Variants in USP24 observed in about 807,000 individuals in gnomAD.
USP24 encodes ubiquitin carboxyl-terminal hydrolase 24.
USP24 carries 97 observed loss-of-function variants against 361.6 expected under a neutral mutation model. The observed-to-expected ratio is 0.27, with a 90% confidence interval of 0.23 to 0.32. USP24 has a LOEUF of 0.32. USP24 is among the 10% of genes least tolerant of loss of function. USP24 has a pLI of 1.00. For missense variants in USP24, 2,353 were observed against 3,165.6 expected (o/e 0.74, Z 6.16); for synonymous variants, 1,098 against 1,124.6 (o/e 0.98, Z 0.47).
chr1:55,126,617 C>T lies in USP24; in HGVS notation c.3636-859G>A, dbSNP rs1002746498. Among the ~76,000 whole-genome samples, 25 of 152,214 alleles carry T rather than the reference C, an allele frequency of 1.6e-4. 1 individual carries two copies. Among genetic ancestry groups the T allele is most frequent in the Non-Finnish European group, 5.9e-5 (4 of 68,044 alleles). ...CAAATGTTCAATGTCTTTATTTTGA[C>T]AGCCCTGTAAATGGCTGAGTGATGT... On this transcript the variant is annotated intron_variant, in intron 32 of 67. Coordinates refer to ENST00000294383, the MANE Select transcript of USP24 (RefSeq NM_015306.3).
intron 8 of USP24, among the ~76,000 whole-genome samples, chr1:55,160,644 G>A (rs1648179494): frequency 2.0e-5 from 3 of 152,174 alleles, no homozygotes; most frequent in Non-Finnish European, 4.4e-5. Flanking sequence ...AAATAAAGAT[G>A]AAGTCAGATG....
chr1:55,153,752 T>C, intron 16 of USP24, 118 bp downstream of exon 16: 1 of 1,150,082 alleles, frequency 8.7e-7, no homozygotes, highest in Non-Finnish European at 1.2e-6. Context: ...ACATCAAGTT[T>C]AATATGAACA....
Position 55,098,026 on chromosome 1 carries a change from A to G in USP24, c.5512T>C (p.Leu1838=), listed in dbSNP as rs775974338. The change falls in exon 47 of 68, where the codon TTG becomes CTG. Residue 1838 remains leucine (L), a synonymous_variant. Coordinates refer to ENST00000294383, the MANE Select transcript of USP24 (RefSeq NM_015306.3). ...LNLGVTSCQS[L]EISLDQFVRG... ...ACAAATTGGTCCAAAGAAATTTCCAAACTCTGACAAGAAGTCACTCCTAGA... is the reference window on the plus strand; with the variant it reads ...ACAAATTGGTCCAAAGAAATTTCCAGACTCTGACAAGAAGTCACTCCTAGA... 17 of 1,613,566 alleles carry G rather than the reference A, an allele frequency of 1.1e-5. No individual in the cohort carries two copies. Among genetic ancestry groups the G allele is most frequent in the Non-Finnish European group, 1.4e-5 (16 of 1,179,752 alleles).
At position 55,083,299 on chromosome 1, in the gene USP24, G is replaced by C. The variant is rs748685414; in HGVS notation, c.6948C>G (p.Leu2316=). Reference sequence around the variant, plus strand: ...GATTGTTTTGCCGACTGGCCCCTAGGAGGAAGCTGATCATGTGCCGCAGAG... The same window carrying C: ...GATTGTTTTGCCGACTGGCCCCTAGCAGGAAGCTGATCATGTGCCGCAGAG... ...HSALRHMISF[L]LGASRQNNQI... is the part of the protein sequence containing the mutation. The change falls in exon 58 of 68, where the codon CTC becomes CTG. Residue 2316 remains leucine, a synonymous_variant. Coordinates refer to ENST00000294383, the MANE Select transcript of USP24 (RefSeq NM_015306.3). 6.2e-7 allele frequency: 1 copy of C among 1,613,728 alleles called. No homozygotes were observed. The highest frequency in any genetic ancestry group is 1.7e-5 in the Admixed American group (1 of 60,004).
chr1:55,101,772 T>C, intron 42 of USP24, 69 bp from the exon 43 acceptor site: 3 of 1,469,322 alleles, frequency 2.0e-6, no homozygotes, highest in Middle Eastern at 1.8e-4. Flanking sequence ...ACATTTACAC[T>C]ATAGCTATGC....
chr1:55,159,658 T>C lies in USP24; in HGVS notation c.1021A>G (p.Thr341Ala). Residue 341 changes from threonine (T) to alanine (A), a missense_variant, in exon 9 of 68, where the codon ACA becomes GCA. By Grantham distance (58) the Thr-to-Ala change is moderately conservative (BLOSUM62 0). Transcript: ENST00000294383. ...QPMLDPVILT[T>A]IQDVRSVEEK... is the part of the protein sequence containing the mutation. The stretch of plus-strand genomic sequence containing the variant: ...TCTACACTCCGTACATCCTGGATTG[T>C]AGTAAGAATGACTGGGTCTAGCATG... The C allele has an allele frequency of 1.9e-6, 3 of 1,561,810 alleles. No homozygotes were observed. Among genetic ancestry groups the C allele is most frequent in the Non-Finnish European group, 2.6e-6 (3 of 1,151,058 alleles).
In USP24 at chr1:55,205,899, G is replaced by A. The variant is rs116092113; in HGVS notation, c.324+8891C>T. On this transcript the variant is annotated intron_variant, in intron 1 of 67. Transcript: ENST00000294383. ...TGCATATTTACATGTATACGTGAGAGGCCCCATAGCTCTTAATTTCTTAAA... is the reference window on the plus strand; with the variant it reads ...TGCATATTTACATGTATACGTGAGAAGCCCCATAGCTCTTAATTTCTTAAA... Among the ~76,000 whole-genome samples the A allele has an allele frequency of 4.4e-3, 666 of 152,134 alleles. 2 individuals carry two copies. The highest frequency in any genetic ancestry group is 0.016 in the African/African-American group (646 of 41,496).
rs373271968 is a variant in USP24, at chr1:55,081,421, G to T, written c.6979C>A (p.Arg2327Ser). Reference sequence around the variant, plus strand: ...CGTGCTTGTGCTGAACTCCATCGACGTATCTGTCATCAGGGAAGATAAAGT... The same window carrying T: ...CGTGCTTGTGCTGAACTCCATCGACTTATCTGTCATCAGGGAAGATAAAGT... ...LGASRQNNQIRRWSSAQAREF... is the reference protein window; with the variant it reads ...LGASRQNNQISRWSSAQAREF... Residue 2327 changes from arginine (R) to serine (S), a missense_variant, in exon 59 of 68, where the codon CGT (arginine) becomes AGT (serine). Transcript: ENST00000294383. 1.2e-6 allele frequency: 2 copies of T among 1,613,292 alleles called. No homozygotes were observed. Among genetic ancestry groups the T allele is most frequent in the South Asian group, 2.2e-5 (2 of 91,050 alleles).
chr1:55,069,230 TAATAA>T (rs2100372464), intron 67 of USP24, 123 bp from the exon 68 acceptor site: 1 of 864,062 alleles, frequency 1.2e-6, no homozygotes, highest in Non-Finnish European at 1.9e-6. Flanking sequence ...TATCAAAGGG[TAATAA>T]AATGTGATAA....
At position 55,093,948 on chromosome 1, in the gene USP24, G is replaced by A; in HGVS notation, c.6343C>T (p.Arg2115Ter). Residue 2115 changes from arginine to a stop codon, truncating the protein, a stop_gained, in exon 52 of 68, where the codon CGA (arginine) becomes TGA (stop). Coordinates refer to ENST00000294383, the MANE Select transcript of USP24 (RefSeq NM_015306.3). LOFTEE classifies it high-confidence loss of function. ...KGLFVEKMPA[R>*]IYQMVRDENL... ...TATATGGTTCTTACCTGGTATATTC[G>A]AGCAGGCATTTTCTCCACAAACAGT... 2 of 1,613,180 alleles carry A rather than the reference G, an allele frequency of 1.2e-6. No homozygotes were observed. The highest frequency in any genetic ancestry group is 1.7e-6 in the Non-Finnish European group (2 of 1,179,762).
intron 30 of USP24, among the ~76,000 whole-genome samples, chr1:55,133,776 A>C (rs1253268478): frequency 6.6e-6 from 1 of 151,760 alleles, no homozygotes; most frequent in African/African-American, 2.4e-5. Context: ...AGCTGGGACT[A>C]CAGGTACATG....
In USP24 at chr1:55,162,280, G is replaced by T; in HGVS notation, c.928-16C>A. The T allele has an allele frequency of 6.5e-7, 1 of 1,537,596 alleles. No individual in the cohort carries two copies. Among genetic ancestry groups the T allele is most frequent in the South Asian group, 1.3e-5 (1 of 76,384 alleles). The stretch of plus-strand genomic sequence containing the variant: ...CTGAGACAGCCTGGAAAAAGACAGT[G>T]AAGATTAAAAATACATTTGAGAGGA... On this transcript the variant is annotated splice_polypyrimidine_tract_variant and intron_variant, in intron 7 of 67. Transcript: ENST00000294383.
At chr1:55,088,450 A>G (rs995158585) in intron 55 of USP24, among the ~76,000 whole-genome samples, 1 of 152,196 alleles carries the variant, frequency 6.6e-6, no homozygotes, top group Admixed American at 6.5e-5. Flanking sequence ...AGAGTGAGAT[A>G]ATTAAAGGGT....
intron 7 of USP24, among the ~76,000 whole-genome samples, chr1:55,164,294 C>T (rs1759497): frequency 6.6e-5 from 10 of 152,050 alleles, no homozygotes; most frequent in Middle Eastern, 3.4e-3. Context: ...AGAAAGGCAT[C>T]TGTTAAACTG....
rs192849537 is a variant in USP24, at chr1:55,169,884, A to G, written c.825+1672T>C. ...AGGGGACTAAGACAATGCACAAGTA[A>G]AATAAAGAGGTAATGAATCATTTAA... On this transcript the variant is annotated intron_variant, in intron 5 of 67. Coordinates refer to ENST00000294383, the MANE Select transcript of USP24 (RefSeq NM_015306.3). Among the ~76,000 whole-genome samples the G allele has an allele frequency of 3.9e-5, 6 of 152,280 alleles. No homozygotes were observed. In the East Asian group the frequency reaches 1.2e-3, roughly 29 times the overall value.
At chr1:55,097,576 T>A in intron 48 of USP24, 22 bp downstream of exon 48, 1 of 1,522,440 alleles carries the variant, frequency 6.6e-7, no homozygotes, top group Non-Finnish European at 8.8e-7. Context: ...TTGTGAAAAA[T>A]TTCAGGAAGA....
chr1:55,213,309 T>C (rs1450966421), intron 1 of USP24, among the ~76,000 whole-genome samples: 1 of 152,192 alleles, frequency 6.6e-6, no homozygotes, highest in African/African-American at 2.4e-5. Context: ...TTTATTTCCA[T>C]ATACTAGTCA....
In USP24 at chr1:55,172,390, C is replaced by T. The variant is rs1268105557; in HGVS notation, c.689G>A (p.Gly230Asp). The change falls in exon 4 of 68, where the codon GGT (glycine) becomes GAT (aspartate). Residue 230 changes from glycine to aspartate, a missense_variant. This residue lies in a region of USP24 where 386 missense variants were observed against 560.5 expected (regional missense o/e 0.69). Transcript: ENST00000294383. ...GAGATACTATACCATTGTAAGCACA[C>T]CCAGGAGACCAGTGGGAATTGGATC... is the stretch of plus-strand genomic sequence containing the variant. The part of the protein sequence containing the change: ...KQDPIPTGLL[G>D]VLTMAFNPDN... The T allele has an allele frequency of 1.2e-6, 2 of 1,612,152 alleles. No homozygotes were observed. The highest frequency in any genetic ancestry group is 1.7e-6 in the Non-Finnish European group (2 of 1,179,024).
At position 55,166,701 on chromosome 1, in the gene USP24, T is replaced by C; in HGVS notation, c.826-98A>G. 2.5e-6 allele frequency: 3 copies of C among 1,212,150 alleles called. No homozygotes were observed. The South Asian group carries it at 4.4e-5, about 18-fold the overall frequency. 75.1% of individuals were successfully genotyped at this position (1,212,150 alleles called of 1,614,324 possible). On this transcript the variant is annotated intron_variant, in intron 5 of 67. Coordinates refer to ENST00000294383, the MANE Select transcript of USP24 (RefSeq NM_015306.3). Reference sequence around the variant, plus strand: ...CCTAAATGAAAAGTCAGAAGAAAAATTATAAAAGTTTGGAAACTATTTTCA... The same window carrying C: ...CCTAAATGAAAAGTCAGAAGAAAAACTATAAAAGTTTGGAAACTATTTTCA...
Sources: gnomAD v4.1 joint callset for allele counts (sites outside exome capture counted in the v4.1 genomes callset) on GRCh38, gnomAD v4.1.1 for gene constraint, gnomAD v4.1.1 regional missense constraint, MANE v1.5 for transcripts, NCBI Gene and HGNC (gene_info 2026-07-23, HGNC 2026-07-21) for gene names.